Variants in TM2D2 observed in about 807,000 individuals in gnomAD.
TM2D2 encodes the protein TM2 domain-containing protein 2.
In TM2D2, 19 loss-of-function variants were observed where a neutral mutation model predicts 23.0. That is an observed-to-expected ratio of 0.82 (90% CI 0.58 to 1.21). The LOEUF (loss-of-function observed/expected upper bound fraction) is 1.21. Ranked by LOEUF, TM2D2 falls within the 50% of genes most tolerant of loss-of-function variation. The pLI is 0.00. For synonymous variants in TM2D2, 120 were observed against 108.8 expected, an observed-to-expected ratio of 1.10 and a Z score of -0.64; for missense variants, 246 against 265.4, an observed-to-expected ratio of 0.93 and a Z score of 0.51.
At chr8:38,995,673 C>T in intron 1 of TM2D2, 1 of 1,341,144 alleles carries the variant, frequency 7.5e-7, no homozygotes. Flanking sequence ...TTCATCTCTT[C>T]AGTAGGCAAA....
intron 2 of TM2D2, 44 bp from the exon 3 acceptor site, chr8:38,993,704 G>C (rs780459840): frequency 3.3e-5 from 46 of 1,408,664 alleles, no homozygotes; most frequent in Non-Finnish European, 4.3e-5. Context: ...ACCAGAGCAA[G>C]TGACACAAAC....
intron 3 of TM2D2, among the ~76,000 whole-genome samples, chr8:38,992,902 A>G (rs1398930162): frequency 6.6e-6 from 1 of 152,222 alleles, no homozygotes; most frequent in Non-Finnish European, 1.5e-5. Flanking sequence ...AGTTACCCTA[A>G]TATTACTAAT....
rs1476800340 is a variant in TM2D2 at position 38,995,123 on chromosome 8, G to C, written c.315+195C>G. 8.1e-6 allele frequency: 4 copies of C among 491,196 alleles called. No homozygotes were observed. In the Admixed American group the frequency reaches 1.2e-4, roughly 14 times the overall value. The allele number at this position is 491,196 out of a possible 1,614,324, so 30.4% of individuals were successfully genotyped here. On this transcript the variant is annotated intron_variant, in intron 2 of 3. Coordinates refer to ENST00000456397, the MANE Select transcript of TM2D2 (RefSeq NM_078473.3). Reference sequence around the variant, plus strand: ...TTTGCACCTGGGTGGTTTTAGCACAGAGATTGCTCCTTCATAAGGAAACCA... The same window carrying C: ...TTTGCACCTGGGTGGTTTTAGCACACAGATTGCTCCTTCATAAGGAAACCA...
At chr8:38,994,461 TTTAA>T (rs1467740857) in intron 2 of TM2D2, among the ~76,000 whole-genome samples, 7 of 152,232 alleles carry the variant, frequency 4.6e-5, no homozygotes, top group Admixed American at 4.6e-4. Context: ...TAACTCAAAC[TTTAA>T]TCAATAATTA....
chr8:38,995,835 C>T, intron 1 of TM2D2: 1 of 1,193,692 alleles, frequency 8.4e-7, no homozygotes, highest in Non-Finnish European at 1.1e-6. Flanking sequence ...TAAAAGATGC[C>T]TTGTAGGCAG....
chr8:38,995,375 T>C lies in TM2D2; in HGVS notation c.258A>G (p.Pro86=), dbSNP rs2129429408. 1 of 1,611,298 alleles carries C rather than the reference T, an allele frequency of 6.2e-7. No homozygotes were observed. The highest frequency in any genetic ancestry group is 8.5e-7 in the Non-Finnish European group (1 of 1,179,204). Residue 86 remains proline (P), a synonymous_variant, in exon 2 of 4, where the codon CCA becomes CCG. Transcript: ENST00000456397. ...CAGTTGCATTTCCAACATGATCCAC[T>C]GGGTCTTCACATTCTATAAATTCAT... The part of the protein sequence containing the change: ...LPDEFIECED[P]VDHVGNATAS...
intron 2 of TM2D2, 56 bp downstream of exon 2, chr8:38,995,262 A>G (rs1047600214): frequency 8.0e-6 from 10 of 1,246,290 alleles, no homozygotes; most frequent in East Asian, 2.5e-5. Context: ...AATAGCATTC[A>G]GACATTCCTA....
At chr8:38,995,437 T>A in intron 1 of TM2D2, 32 bp from the exon 2 acceptor site, 1 of 1,608,384 alleles carries the variant, frequency 6.2e-7, no homozygotes, top group Admixed American at 1.7e-5. Flanking sequence ...ATGATCATCA[T>A]CATACGGTCT....
chr8:38,994,145 A>G (rs1156240941), intron 2 of TM2D2: 1 of 152,224 alleles, frequency 6.6e-6, no homozygotes, highest in Non-Finnish European at 1.5e-5. Flanking sequence ...GAATTAGGAA[A>G]GAACTCAGGA....
Position 38,996,462 on chromosome 8 carries a change from A to T in TM2D2, c.-23T>A. 2 of 1,613,182 alleles carry T rather than the reference A, an allele frequency of 1.2e-6. No individual in the cohort carries two copies. The highest frequency in any genetic ancestry group is 1.7e-6 in the Non-Finnish European group (2 of 1,179,548). ...CATCTTCCCGGGCACAGGAGCGGAG[A>T]CCCGGCCTCAACCACAACCCCAGGC... On this transcript the variant is annotated 5_prime_UTR_variant, in exon 1 of 4. Coordinates refer to ENST00000456397, the MANE Select transcript of TM2D2 (RefSeq NM_078473.3).
At chr8:38,993,912 A>G (rs1427698958) in intron 2 of TM2D2, 1 of 283,166 alleles carries the variant, frequency 3.5e-6, no homozygotes, top group African/African-American at 2.2e-5. Flanking sequence ...TAGTAAAAAA[A>G]ACCCCCAAAC....
chr8:38,991,666 C>T (rs1835605573), intron 3 of TM2D2, 121 bp from the exon 4 acceptor site: 1 of 774,010 alleles, frequency 1.3e-6, no homozygotes. Flanking sequence ...CTTTTACCCT[C>T]CATTTTGTTT....
chr8:38,995,413 T>G lies in TM2D2; in HGVS notation c.228-8A>C, dbSNP rs749270586. The G allele has an allele frequency of 1.2e-6, 2 of 1,612,536 alleles. No homozygotes were observed. Among genetic ancestry groups the G allele is most frequent in the Non-Finnish European group, 1.7e-6 (2 of 1,179,522 alleles). On this transcript the variant is annotated splice_region_variant and splice_polypyrimidine_tract_variant and intron_variant, in intron 1 of 3. Coordinates refer to ENST00000456397, the MANE Select transcript of TM2D2 (RefSeq NM_078473.3). ...TCTATAAATTCATCAGGTCTGTAAT[T>G]CACCAGTAAGATCATGATCATCATC... is the stretch of plus-strand genomic sequence containing the variant.
chr8:38,993,565 T>G lies in TM2D2; in HGVS notation c.411A>C (p.Arg137=). 1 of 1,613,436 alleles carries G rather than the reference T, an allele frequency of 6.2e-7. No homozygotes were observed. Among genetic ancestry groups the G allele is most frequent in the Non-Finnish European group, 8.5e-7 (1 of 1,179,472 alleles). Residue 137 remains arginine, a synonymous_variant, in exon 3 of 4, where the codon CGA becomes CGC. Coordinates refer to ENST00000456397, the MANE Select transcript of TM2D2 (RefSeq NM_078473.3). ...CTTACTTTATACAAGGTTTATTTTC[T>G]CGTAGAAAGGTCCTAGGACTGGCAC... The part of the protein sequence containing the change: ...IECASPRTFL[R]ENKPCIKYTG...
chr8:38,995,127 T>C (rs191483040), intron 2 of TM2D2, 191 bp downstream of exon 2: 208 of 497,118 alleles, frequency 4.2e-4, no homozygotes, highest in African/African-American at 3.4e-3. Flanking sequence ...AGCACAGAGA[T>C]TGCTCCTTCA....
At chr8:38,996,132 C>T in intron 1 of TM2D2, 81 bp downstream of exon 1, 27 of 1,482,810 alleles carry the variant, frequency 1.8e-5, no homozygotes, top group Non-Finnish European at 2.5e-5. Context: ...TGCAGCGTCC[C>T]CCCAACCCTG....
chr8:38,996,142 GCCTTC>G (rs1330125469), intron 1 of TM2D2, 66 bp downstream of exon 1: 2 of 1,520,850 alleles, frequency 1.3e-6, no homozygotes, highest in African/African-American at 2.8e-5. Flanking sequence ...CCCCAACCCT[GCCTTC>G]CCTTAACACC....
rs1835600847 is a variant in TM2D2, at chr8:38,991,545, C to A, written c.432G>T (p.Lys144Asn). 1 of 1,608,556 alleles carries A rather than the reference C, an allele frequency of 6.2e-7. No homozygotes were observed. Among genetic ancestry groups the A allele is most frequent in the Admixed American group, 1.7e-5 (1 of 59,928 alleles). Residue 144 changes from lysine (K) to asparagine (N), a missense_variant and splice_region_variant, in exon 4 of 4, where the codon AAG (lysine) becomes AAT (asparagine). Lys to Asn is a moderately conservative substitution (Grantham distance 94, BLOSUM62 0). Coordinates refer to ENST00000456397, the MANE Select transcript of TM2D2 (RefSeq NM_078473.3). The stretch of plus-strand genomic sequence containing the variant: ...TGGTTATGAAGTAGTGTCCGGTATA[C>A]CTAGGTGAAAGGAATGAAAAGGAAG... ...TFLRENKPCIKYTGHYFITTL... is the reference protein window; with the variant it reads ...TFLRENKPCINYTGHYFITTL...
intron 2 of TM2D2, among the ~76,000 whole-genome samples, chr8:38,994,225 A>G (rs568528225): frequency 6.6e-6 from 1 of 152,316 alleles, no homozygotes; most frequent in South Asian, 2.1e-4. Context: ...ACACCTGTTA[A>G]GTTTAAATTC....
Sources: gnomAD v4.1 joint callset for allele counts (sites outside exome capture counted in the v4.1 genomes callset) on GRCh38, gnomAD v4.1.1 for gene constraint, MANE v1.5 for transcripts, NCBI Gene and HGNC (gene_info 2026-07-23, HGNC 2026-07-21) for gene names.